Variants in CHL1 observed in about 807,000 individuals in gnomAD.
The protein encoded by CHL1 is neural cell adhesion molecule L1-like protein.
A neutral mutation model predicts 141.9 loss-of-function variants in CHL1; 96 were observed. The ratio of observed to expected loss-of-function variants is 0.68; its 90% confidence interval spans 0.57 to 0.80. The LOEUF (loss-of-function observed/expected upper bound fraction) is 0.80. Among genes scored for constraint, CHL1 ranks in the 30% least tolerant of loss-of-function variants. The pLI is 0.00. For synonymous variants in CHL1, 613 were observed against 502.2 expected, an observed-to-expected ratio of 1.22 and a Z score of -2.95; for missense variants, 1,820 against 1,457.2, an observed-to-expected ratio of 1.25 and a Z score of -4.05.
At chr3:356,656 T>C (rs1703743121) in intron 11 of CHL1, among the ~76,000 whole-genome samples, 1 of 151,796 alleles carries the variant, frequency 6.6e-6, no homozygotes, top group Non-Finnish European at 1.5e-5. Flanking sequence ...TGAGTGGAGA[T>C]GGGAAGGAAG....
At chr3:344,564 C>T (rs3736632) in intron 8 of CHL1, 25 bp from the exon 9 acceptor site, 517,224 of 1,573,724 alleles carry the variant, frequency 0.33, 88,822 homozygotes, top group East Asian at 0.38. Context: ...TGAAAAAATT[C>T]TGACTTTTCT....
intron 1 of CHL1, among the ~76,000 whole-genome samples, chr3:241,767 T>C (rs560116151): frequency 6.6e-6 from 1 of 152,284 alleles, no homozygotes; most frequent in South Asian, 2.1e-4. Flanking sequence ...TTAATATTCC[T>C]CTCCATTCTT....
At position 205,164 on chromosome 3, in the gene CHL1, A is replaced by G. The variant is rs111488517; in HGVS notation, c.-175+8101A>G. Reference sequence around the variant, plus strand: ...GTTGCCCAGGCTGGAGCGCTGGAGTACAGTGGTATGGTCATCGCTCACTGC... The same window carrying G: ...GTTGCCCAGGCTGGAGCGCTGGAGTGCAGTGGTATGGTCATCGCTCACTGC... On this transcript the variant is annotated intron_variant, in intron 1 of 27. Coordinates refer to ENST00000256509, the MANE Select transcript of CHL1 (RefSeq NM_006614.4). 6.7e-3 allele frequency among the ~76,000 whole-genome samples: 955 copies of G among 142,152 alleles called. 12 individuals are homozygous for G. The highest frequency in any genetic ancestry group is 0.024 in the African/African-American group (906 of 37,994). 93.3% of individuals were successfully genotyped at this position (142,152 alleles called of 152,430 possible). A position where few individuals can be genotyped will look rare whatever the true frequency, so the allele number is the denominator to read the frequency against.
intron 2 of CHL1, chr3:247,703 C>T (rs1693300568): frequency 6.6e-6 from 1 of 152,080 alleles, no homozygotes; most frequent in African/African-American, 2.4e-5. Context: ...GTTGCCTTAA[C>T]TATCAGGTTT....
chr3:395,333 C>T (rs1708582148), intron 24 of CHL1, among the ~76,000 whole-genome samples: 1 of 152,184 alleles, frequency 6.6e-6, no homozygotes, highest in South Asian at 2.1e-4. Context: ...TTTTGTTTTA[C>T]TGTCTGATGA....
intron 1 of CHL1, among the ~76,000 whole-genome samples, chr3:201,131 G>T (rs1698892398): frequency 6.6e-6 from 1 of 152,218 alleles, no homozygotes; most frequent in African/African-American, 2.4e-5. Flanking sequence ...ACTGGGTTAG[G>T]AAGCTCAATG....
At chr3:221,775 T>G (rs1700862209) in intron 1 of CHL1, among the ~76,000 whole-genome samples, 1 of 152,216 alleles carries the variant, frequency 6.6e-6, no homozygotes, top group African/African-American at 2.4e-5. Context: ...TAATTTAGTA[T>G]TAAGTTAACA....
At chr3:404,513 C>T (rs6768934) in intron 27 of CHL1, among the ~76,000 whole-genome samples, 148,799 of 152,234 alleles carry the variant, frequency 0.98, 72,802 homozygotes, top group East Asian at 1. Flanking sequence ...ATAAGCATTT[C>T]ACTAATGGAT....
intron 2 of CHL1, chr3:247,967 G>C (rs1693327283): frequency 6.6e-6 from 1 of 151,898 alleles, no homozygotes; most frequent in Non-Finnish European, 1.5e-5. Context: ...CCTTGTCCCA[G>C]AATTAATCAT....
intron 2 of CHL1, among the ~76,000 whole-genome samples, chr3:279,071 C>G (rs548542856): frequency 1.3e-5 from 2 of 152,082 alleles, no homozygotes; most frequent in Non-Finnish European, 2.9e-5. Flanking sequence ...CAGAATGATG[C>G]CGGATATTCA....
At chr3:405,034 C>G (rs774694645) in intron 27 of CHL1, among the ~76,000 whole-genome samples, 4 of 152,098 alleles carry the variant, frequency 2.6e-5, no homozygotes, top group South Asian at 2.1e-4. Flanking sequence ...GGCCTCTTCT[C>G]TAAGGGCACT....
At chr3:337,452 G>T (rs1701980254) in intron 5 of CHL1, among the ~76,000 whole-genome samples, 1 of 151,912 alleles carries the variant, frequency 6.6e-6, no homozygotes, top group Non-Finnish European at 1.5e-5. Context: ...GTGCCATGCT[G>T]GTGTGCTGCA....
In CHL1 at chr3:349,439, C is replaced by A; in HGVS notation, c.929C>A (p.Thr310Asn). ...GRETKENYGK[T>N]LKIENVSYQD... ...GAAACAAAAGAAAATTATGGCAAGA[C>A]TTTGAAGATAGAGAATGTCTCCTAC... Residue 310 changes from threonine (T) to asparagine (N), a missense_variant, in exon 10 of 28, where the codon ACT becomes AAT. By Grantham distance (65) the Thr-to-Asn change is moderately conservative. Coordinates refer to ENST00000256509, the MANE Select transcript of CHL1 (RefSeq NM_006614.4). The A allele has an allele frequency of 6.2e-7, 1 of 1,613,678 alleles. No homozygotes were observed. The highest frequency in any genetic ancestry group is 1.1e-5 in the South Asian group (1 of 91,068).
chr3:237,075 G>A (rs942374574), intron 1 of CHL1, among the ~76,000 whole-genome samples: 2 of 152,148 alleles, frequency 1.3e-5, no homozygotes, highest in African/African-American at 4.8e-5. Flanking sequence ...CTATTACGCT[G>A]TTGGCTTCTA....
chr3:338,121 C>G (rs1243289834), intron 5 of CHL1, among the ~76,000 whole-genome samples: 1 of 152,128 alleles, frequency 6.6e-6, no homozygotes, highest in Non-Finnish European at 1.5e-5. Context: ...ACCTCGGCCT[C>G]CCAAAGTGCA....
intron 2 of CHL1, among the ~76,000 whole-genome samples, chr3:279,592 C>A (rs528168414): frequency 2.0e-5 from 3 of 152,094 alleles, no homozygotes; most frequent in Non-Finnish European, 4.4e-5. Flanking sequence ...CTTAAATGGT[C>A]TTTTTTATTC....
At chr3:363,095 A>G in intron 13 of CHL1, 122 bp from the exon 14 acceptor site, 2 of 754,282 alleles carry the variant, frequency 2.7e-6, no homozygotes, top group Non-Finnish European at 4.2e-6. Flanking sequence ...CCACTGGAAC[A>G]TTTCATGAGG....
intron 2 of CHL1, among the ~76,000 whole-genome samples, chr3:289,985 A>C (rs1469265608): frequency 8.1e-6 from 1 of 122,726 alleles, no homozygotes; most frequent in Non-Finnish European, 1.6e-5. Flanking sequence ...CCCAGGGTGG[A>C]GTGCAGTATA....
intron 1 of CHL1, among the ~76,000 whole-genome samples, chr3:218,542 T>C (rs1258063263): frequency 6.6e-6 from 1 of 152,346 alleles, no homozygotes. Context: ...AAATAAATTA[T>C]GTTGACTTTA....
Sources: allele counts gnomAD v4.1 joint callset (sites outside exome capture counted in the v4.1 genomes callset), GRCh38; gene constraint gnomAD v4.1.1; transcripts MANE v1.5; gene names NCBI Gene and HGNC (gene_info 2026-07-23, HGNC 2026-07-21).